Variants in RPS6KC1 observed in about 807,000 individuals in gnomAD.
The protein encoded by RPS6KC1 is inactive ribosomal protein S6 kinase delta-1.
RPS6KC1 carries 54 observed loss-of-function variants against 103.8 expected under a neutral mutation model. The ratio of observed to expected loss-of-function variants is 0.52; its 90% CI spans 0.42 to 0.65. RPS6KC1 has a LOEUF of 0.65. Ranked by LOEUF, RPS6KC1 falls within the 30% of genes least tolerant of loss-of-function variation. The probability of loss-of-function intolerance (pLI) is 0.00; values close to 1 mark genes in which losing one functional copy is unlikely to be tolerated. For synonymous variants in RPS6KC1, 439 were observed against 438.7 expected (o/e 1.00, Z -0.01); for missense variants, 1,151 against 1,253.8 (o/e 0.92, Z 1.24).
the RPS6KC1 span, among the ~76,000 whole-genome samples, chr1:213,504,721 C>T: frequency 6.6e-6 from 1 of 152,074 alleles, no homozygotes; most frequent in Admixed American, 6.6e-5. Flanking sequence ...TTTAGTGTTG[C>T]TTTTGGAAAA....
the RPS6KC1 span, among the ~76,000 whole-genome samples, chr1:213,802,883 T>C: frequency 6.6e-6 from 1 of 152,250 alleles, no homozygotes; most frequent in South Asian, 2.1e-4. Context: ...CCGGGAATGT[T>C]TAGCCTGGAG....
the RPS6KC1 span, among the ~76,000 whole-genome samples, chr1:213,593,932 C>G: frequency 1.3e-5 from 2 of 152,126 alleles, no homozygotes; most frequent in African/African-American, 4.8e-5. Context: ...GTGGTGAGAT[C>G]TTGGCTCACT....
intron 8 of RPS6KC1, among the ~76,000 whole-genome samples, chr1:213,177,055 T>C (rs1392894960): frequency 6.6e-6 from 1 of 152,206 alleles, no homozygotes; most frequent in Non-Finnish European, 1.5e-5. Context: ...TTTTTTTGAC[T>C]CAAAAGCTGT....
At chr1:213,739,830 A>C in the RPS6KC1 span, among the ~76,000 whole-genome samples, 1 of 152,204 alleles carries the variant, frequency 6.6e-6, no homozygotes, top group Non-Finnish European at 1.5e-5. Context: ...CAAAGATTCA[A>C]AAGTATGCCC....
At chr1:213,147,026 C>T (rs567260566) in intron 6 of RPS6KC1, among the ~76,000 whole-genome samples, 5 of 152,128 alleles carry the variant, frequency 3.3e-5, no homozygotes, top group South Asian at 4.1e-4. Flanking sequence ...ATCTTATGCC[C>T]GTTTTTTGAT....
chr1:213,224,638 G>A (rs1325028131), intron 8 of RPS6KC1, among the ~76,000 whole-genome samples: 3 of 152,140 alleles, frequency 2.0e-5, no homozygotes, highest in African/African-American at 7.2e-5. Flanking sequence ...TATCAAGCTA[G>A]TACAAATTAG....
At chr1:213,592,257 CT>C in the RPS6KC1 span, among the ~76,000 whole-genome samples, 10 of 151,998 alleles carry the variant, frequency 6.6e-5, no homozygotes, top group African/African-American at 2.4e-4. Context: ...GTTTTAGCTG[CT>C]TTTTTTGTCA....
chr1:213,553,479 G>A, the RPS6KC1 span, among the ~76,000 whole-genome samples: 3 of 152,114 alleles, frequency 2.0e-5, no homozygotes. Context: ...ATGCATGCAC[G>A]TGTCTTTATG....
chr1:213,718,004 A>G, the RPS6KC1 span, among the ~76,000 whole-genome samples: 3 of 152,172 alleles, frequency 2.0e-5, no homozygotes, highest in African/African-American at 4.8e-5. Context: ...TCTGTGATGC[A>G]TATGAAAAGG....
At chr1:213,076,414 T>C (rs544275552) in intron 2 of RPS6KC1, among the ~76,000 whole-genome samples, 2 of 152,300 alleles carry the variant, frequency 1.3e-5, no homozygotes, top group East Asian at 3.9e-4. Flanking sequence ...TGACCTGTTA[T>C]TTGCTCATTA....
the RPS6KC1 span, among the ~76,000 whole-genome samples, chr1:213,466,015 G>A: frequency 6.6e-6 from 1 of 152,048 alleles, no homozygotes; most frequent in South Asian, 2.1e-4. Flanking sequence ...AGGCTTTGGG[G>A]GGCAGAATGC....
At chr1:213,775,163 A>G in the RPS6KC1 span, among the ~76,000 whole-genome samples, 4 of 152,344 alleles carry the variant, frequency 2.6e-5, no homozygotes, top group South Asian at 8.3e-4. Context: ...TACATTGTGT[A>G]TAATCCCCAT....
chr1:213,572,722 C>T, the RPS6KC1 span, among the ~76,000 whole-genome samples: 4 of 152,092 alleles, frequency 2.6e-5, no homozygotes, highest in East Asian at 1.9e-4. Flanking sequence ...GAATTGGGGC[C>T]GTTGTGACAG....
chr1:213,114,242 G>A (rs2083332830), intron 4 of RPS6KC1, among the ~76,000 whole-genome samples: 1 of 151,326 alleles, frequency 6.6e-6, no homozygotes, highest in South Asian at 2.1e-4. Context: ...TCCTTGAGCA[G>A]TGGCTTGTAG....
At chr1:213,179,941 A>T (rs1393714437) in intron 8 of RPS6KC1, among the ~76,000 whole-genome samples, 10 of 152,206 alleles carry the variant, frequency 6.6e-5, no homozygotes, top group Admixed American at 6.5e-4. Context: ...ATCTACTGGT[A>T]CAATATGAGA....
chr1:213,270,737 TTGTAA>T (rs2095028980), intron 14 of RPS6KC1, among the ~76,000 whole-genome samples: 1 of 152,186 alleles, frequency 6.6e-6, no homozygotes, highest in Non-Finnish European at 1.5e-5. Flanking sequence ...TAAAGAACTC[TTGTAA>T]TTAAGTAAGA....
At chr1:213,072,162 A>T (rs2078943767) in intron 2 of RPS6KC1, among the ~76,000 whole-genome samples, 1 of 152,012 alleles carries the variant, frequency 6.6e-6, no homozygotes. Context: ...TCCACAATTA[A>T]ATATGAATGT....
intron 4 of RPS6KC1, among the ~76,000 whole-genome samples, chr1:213,112,716 C>G (rs1040217021): frequency 2.8e-4 from 42 of 151,602 alleles, no homozygotes; most frequent in Non-Finnish European, 5.4e-4. Context: ...CCTCCCCTCT[C>G]CCCCCACCCC....
intron 3 of RPS6KC1, among the ~76,000 whole-genome samples, chr1:213,087,048 A>G (rs1319240738): frequency 3.3e-5 from 5 of 152,206 alleles, no homozygotes; most frequent in Admixed American, 1.3e-4. Context: ...AAAAAAGTTT[A>G]AAAAATAATT....
Sources: allele counts gnomAD v4.1 joint callset (sites outside exome capture counted in the v4.1 genomes callset), GRCh38; gene constraint gnomAD v4.1.1; transcripts MANE v1.5; gene names NCBI Gene and HGNC (gene_info 2026-07-23, HGNC 2026-07-21).